SERGEF: variants seen among roughly 807,000 people sequenced by gnomAD.
The protein encoded by SERGEF is secretion-regulating guanine nucleotide exchange factor.
SERGEF carries 51 observed loss-of-function variants against 50.0 expected under a neutral mutation model. The ratio of observed to expected loss-of-function variants is 1.02; its 90% CI spans 0.81 to 1.29. The LOEUF is 1.29. SERGEF is among the 50% of genes most tolerant of loss of function. SERGEF has a pLI of 0.00. For synonymous variants in SERGEF, 205 were observed against 212.4 expected (o/e 0.97, Z 0.30); for missense variants, 521 against 557.0 (o/e 0.94, Z 0.65).
intron 9 of SERGEF, among the ~76,000 whole-genome samples, chr11:17,901,592 A>G (rs1851750089): frequency 1.3e-5 from 2 of 152,212 alleles, no homozygotes. Context: ...ACCTCTGCCT[A>G]TGCTAGTCCC....
intron 1 of SERGEF, among the ~76,000 whole-genome samples, chr11:18,012,022 C>T (rs1854206544): frequency 6.6e-6 from 1 of 152,172 alleles, no homozygotes; most frequent in African/African-American, 2.4e-5. Context: ...AAGTCCTTCA[C>T]TCGTGTATTT....
At chr11:17,909,673 T>G (rs570271760) in intron 9 of SERGEF, among the ~76,000 whole-genome samples, 1 of 152,094 alleles carries the variant, frequency 6.6e-6, no homozygotes, top group East Asian at 1.9e-4. Context: ...TTGTGCAGAG[T>G]GGAGTGGCAG....
chr11:17,805,309 T>A (rs1009635898), intron 10 of SERGEF, among the ~76,000 whole-genome samples: 1 of 152,222 alleles, frequency 6.6e-6, no homozygotes, highest in African/African-American at 2.4e-5. Context: ...TATGGTGATC[T>A]GCAAGGGCCC....
At chr11:17,788,454 A>T (rs1460049546) in intron 10 of SERGEF, 41 bp from the exon 11 acceptor site, 1 of 1,519,862 alleles carries the variant, frequency 6.6e-7, no homozygotes, top group African/African-American at 1.4e-5. Flanking sequence ...GAGGTTTTGG[A>T]TAATAGGGCT....
chr11:17,789,512 G>A (rs756529133), intron 10 of SERGEF, among the ~76,000 whole-genome samples: 5 of 152,116 alleles, frequency 3.3e-5, no homozygotes, highest in South Asian at 2.1e-4. Context: ...ATCATAACAC[G>A]TCTTCCTAGG....
chr11:18,003,412 C>A (rs1165552346), intron 4 of SERGEF, among the ~76,000 whole-genome samples: 2 of 152,192 alleles, frequency 1.3e-5, no homozygotes, highest in African/African-American at 4.8e-5. Context: ...AATATGGTAG[C>A]CACTACCTAC....
At chr11:17,823,069 C>T (rs1406161930) in intron 10 of SERGEF, among the ~76,000 whole-genome samples, 2 of 152,168 alleles carry the variant, frequency 1.3e-5, no homozygotes, top group East Asian at 3.9e-4. Context: ...TACCGTATTA[C>T]ATTTAGCCAT....
intron 8 of SERGEF, among the ~76,000 whole-genome samples, chr11:17,971,449 A>G (rs1384576198): frequency 6.6e-6 from 1 of 152,210 alleles, no homozygotes; most frequent in Non-Finnish European, 1.5e-5. Flanking sequence ...CAAAAATCCT[A>G]GGGCACTTAA....
intron 9 of SERGEF, among the ~76,000 whole-genome samples, chr11:17,916,094 T>A (rs1376818955): frequency 6.6e-6 from 1 of 152,192 alleles, no homozygotes; most frequent in African/African-American, 2.4e-5. Context: ...AATCACAGCA[T>A]CCATCTGGAT....
intron 10 of SERGEF, among the ~76,000 whole-genome samples, chr11:17,847,133 A>T (rs1375360803): frequency 6.6e-6 from 1 of 152,234 alleles, no homozygotes; most frequent in Admixed American, 6.5e-5. Flanking sequence ...TACTAAAAAT[A>T]GCTCTTCTTA....
chr11:17,793,368 ACAGAAGGACTTG>A lies in SERGEF; in HGVS notation c.1049-4967_1049-4956del, dbSNP rs573219098. 3.0e-3 allele frequency among the ~76,000 whole-genome samples: 462 copies of A among 152,324 alleles called. 3 individuals are homozygous for A. Among genetic ancestry groups the A allele is most frequent in the East Asian group, 0.015 (76 of 5,186 alleles). ...AAGCAAAGGATTGGTTATCCCCTTA[ACAGAAGGACTTG>A]CAGCAGGACATCTTTCAGTAATAAG... is the stretch of plus-strand genomic sequence containing the variant. On this transcript the variant is annotated intron_variant, in intron 10 of 10. Coordinates refer to ENST00000265965, the MANE Select transcript of SERGEF (RefSeq NM_012139.4).
chr11:17,863,757 A>G (rs889539974), intron 10 of SERGEF: 10 of 152,254 alleles, frequency 6.6e-5, no homozygotes, highest in Admixed American at 2.0e-4. Context: ...ATAACACTAC[A>G]TGGCACATCA....
chr11:17,908,946 G>A (rs1417835428), intron 9 of SERGEF, among the ~76,000 whole-genome samples: 1 of 152,198 alleles, frequency 6.6e-6, no homozygotes, highest in Non-Finnish European at 1.5e-5. Context: ...TCTTCTTGCT[G>A]GAATCCATGG....
At chr11:17,841,695 CTA>C (rs1430906493) in intron 10 of SERGEF, among the ~76,000 whole-genome samples, 2 of 152,224 alleles carry the variant, frequency 1.3e-5, no homozygotes, top group African/African-American at 4.8e-5. Context: ...TCAAATCCTT[CTA>C]TGATTACTAT....
At chr11:17,978,103 A>ACTTAGC (rs1853415597) in intron 8 of SERGEF, among the ~76,000 whole-genome samples, 2 of 152,182 alleles carry the variant, frequency 1.3e-5, no homozygotes, top group Admixed American at 1.3e-4. Flanking sequence ...TATACAAGCC[A>ACTTAGC]CTTAGCCTCT....
chr11:17,899,770 T>C (rs1355643547), intron 9 of SERGEF, among the ~76,000 whole-genome samples: 2 of 151,658 alleles, frequency 1.3e-5, no homozygotes, highest in African/African-American at 2.4e-5. Context: ...CAGGACAACA[T>C]ACTGAGACCC....
At chr11:17,922,233 T>C (rs1186816845) in intron 9 of SERGEF, among the ~76,000 whole-genome samples, 2 of 152,176 alleles carry the variant, frequency 1.3e-5, no homozygotes, top group African/African-American at 4.8e-5. Context: ...TGCTTAACAC[T>C]GGCCTTCAAT....
chr11:17,839,997 A>C (rs1850472111), intron 10 of SERGEF, among the ~76,000 whole-genome samples: 1 of 152,212 alleles, frequency 6.6e-6, no homozygotes, highest in African/African-American at 2.4e-5. Context: ...CAGAAAGCAA[A>C]GCCAAGAATC....
intron 10 of SERGEF, among the ~76,000 whole-genome samples, chr11:17,830,560 G>C (rs10466421): frequency 6.9e-6 from 1 of 145,750 alleles, no homozygotes. Flanking sequence ...GAGGGAGAGA[G>C]AGAGGAAGAG....
Sources: allele counts gnomAD v4.1 joint callset (sites outside exome capture counted in the v4.1 genomes callset), GRCh38; gene constraint gnomAD v4.1.1; transcripts MANE v1.5; gene names NCBI Gene and HGNC (gene_info 2026-07-23, HGNC 2026-07-21).